OLFM1: variants seen among roughly 807,000 people sequenced by gnomAD.
OLFM1 encodes the protein noelin.
In OLFM1, 9 loss-of-function variants were observed where a neutral mutation model predicts 49.7. The ratio of observed to expected loss-of-function variants is 0.18; its 90% CI spans 0.11 to 0.32. The LOEUF is 0.32. Ranked by LOEUF, OLFM1 falls within the 10% of genes least tolerant of loss-of-function variation. The pLI is 1.00. For missense variants in OLFM1, 369 were observed against 661.8 expected (o/e 0.56, Z 4.85); for synonymous variants, 240 against 271.8 (o/e 0.88, Z 1.15).
intron 5 of OLFM1, among the ~76,000 whole-genome samples, chr9:135,118,589 C>T (rs986972186): frequency 6.7e-6 from 1 of 148,652 alleles, no homozygotes; most frequent in Admixed American, 6.7e-5. Flanking sequence ...GGAGTGCTTG[C>T]TGGGTCTTTG....
At position 135,080,233 on chromosome 9, in the gene OLFM1, C is replaced by G. The variant is rs2119085654; in HGVS notation, c.96+4431C>G. On this transcript the variant is annotated intron_variant, in intron 1 of 5. Coordinates refer to the OLFM1 transcript ENST00000252854. This position sits in a 1 kb window ranked among gnomAD's most constrained non-coding sequence, Gnocchi z 4.5. ...GCTTGGGCCAGGTGGTCTGGATGAGCTGTCTTGTCCCCCTGCCAGGCCCTC... is the reference window on the plus strand; with the variant it reads ...GCTTGGGCCAGGTGGTCTGGATGAGGTGTCTTGTCCCCCTGCCAGGCCCTC... Among the ~76,000 whole-genome samples the G allele has an allele frequency of 6.6e-6, 1 of 152,144 alleles. No homozygotes were observed. The highest frequency in any genetic ancestry group is 2.4e-5 in the African/African-American group (1 of 41,506).
chr9:135,097,864 G>A, intron 3 of OLFM1: 32 of 1,603,960 alleles, frequency 2.0e-5, no homozygotes, highest in Non-Finnish European at 2.5e-5. Context: ...GAGCCAGAGA[G>A]CTTTTTGCAC....
chr9:135,102,586 G>C (rs1315146290), intron 4 of OLFM1, among the ~76,000 whole-genome samples: 1 of 152,184 alleles, frequency 6.6e-6, no homozygotes, highest in Non-Finnish European at 1.5e-5. Context: ...GGTCTGCCGT[G>C]ACCCTTTCCT....
rs1354743276 is a variant in OLFM1, at chr9:135,117,024, C to T, written c.784-2480C>T. 6.6e-6 allele frequency among the ~76,000 whole-genome samples: 1 copy of T among 152,088 alleles called. No individual in the cohort carries two copies. Among genetic ancestry groups the T allele is most frequent in the East Asian group, 1.9e-4 (1 of 5,184 alleles). On this transcript the variant is annotated intron_variant, in intron 5 of 5. Transcript: ENST00000371793. This position sits in a 1 kb window ranked among gnomAD's most constrained non-coding sequence, Gnocchi z 5.5. ...TGAAAGCTCCCTCATCCTTAGTCTC[C>T]TGCAGCTCCAGAGCCCTCGACGGAT...
rs528436759 is a variant in OLFM1 at position 135,107,953 on chromosome 9, C to A, written c.783+1098C>A. ...AAAACATGGGCGGTACGGCCTCTGG[C>A]ACACTCCTTCCTTCCAGGAAGATGG... On this transcript the variant is annotated intron_variant, in intron 5 of 5. Coordinates refer to ENST00000371793, the MANE Select transcript of OLFM1 (RefSeq NM_001282611.2). Among the ~76,000 whole-genome samples the A allele has an allele frequency of 9.9e-4, 150 of 152,282 alleles. 1 individual carries two copies. The highest frequency in any genetic ancestry group is 3.4e-3 in the African/African-American group (140 of 41,558).
chr9:135,110,975 C>T lies in OLFM1; in HGVS notation c.783+4120C>T, dbSNP rs573805043. ...GGGGCTGCATCAGAGGCATTTGGGA[C>T]GGCAGTGCCAGATCTGTGCCCATCG... is the stretch of plus-strand genomic sequence containing the variant. On this transcript the variant is annotated intron_variant, in intron 5 of 5. Transcript: ENST00000371793. Among the ~76,000 whole-genome samples, 260 of 152,340 alleles carry T rather than the reference C, an allele frequency of 1.7e-3. 2 individuals are homozygous for T. The highest frequency in any genetic ancestry group is 3.0e-3 in the Non-Finnish European group (207 of 68,030).
In OLFM1 at chr9:135,098,624, A is replaced by T; in HGVS notation, c.676+119A>T. On this transcript the variant is annotated intron_variant, in intron 4 of 5. Coordinates refer to ENST00000371793, the MANE Select transcript of OLFM1 (RefSeq NM_001282611.2). The surrounding 1 kb of genome is among the most constrained non-coding windows in gnomAD (Gnocchi z 5.6). Reference sequence around the variant, plus strand: ...CCTGGCTTCGCGAGGTGATGGCTGGATTAGGGCTCCTGGGCAGGTCTACCT... The same window carrying T: ...CCTGGCTTCGCGAGGTGATGGCTGGTTTAGGGCTCCTGGGCAGGTCTACCT... The T allele has an allele frequency of 1.2e-6, 1 of 850,806 alleles. No homozygotes were observed. The highest frequency in any genetic ancestry group is 1.9e-6 in the Non-Finnish European group (1 of 537,372). The allele number at this position is 850,806 out of a possible 1,614,324, so 52.7% of individuals were successfully genotyped here. A position where few individuals can be genotyped will look rare whatever the true frequency, so the allele number is the denominator to read the frequency against.
chr9:135,091,735 A>ACACTCATAGT (rs1564270982), intron 2 of OLFM1, among the ~76,000 whole-genome samples: 3 of 89,990 alleles, frequency 3.3e-5, no homozygotes, highest in Non-Finnish European at 7.6e-5. Context: ...TCATAGTCAC[A>ACACTCATAGT]CACACCCACA....
At chr9:135,107,991 G>C (rs1728079731) in intron 5 of OLFM1, among the ~76,000 whole-genome samples, 1 of 152,202 alleles carries the variant, frequency 6.6e-6, no homozygotes. Context: ...GGGGAGGGGA[G>C]GGGGACTGGC....
chr9:135,089,639 T>G (rs1370619083), intron 1 of OLFM1, among the ~76,000 whole-genome samples: 1 of 152,202 alleles, frequency 6.6e-6, no homozygotes, highest in Non-Finnish European at 1.5e-5. Context: ...GGGAGGTTGC[T>G]GTAGCTCGGG....
chr9:135,076,770 C>T, intron 1 of OLFM1: 5 of 1,499,322 alleles, frequency 3.3e-6, no homozygotes, highest in Non-Finnish European at 3.6e-6. Flanking sequence ...CCCAGCTGCC[C>T]CTGACCCTTC....
At chr9:135,111,381 G>A (rs56394477) in intron 5 of OLFM1, among the ~76,000 whole-genome samples, 34,588 of 152,098 alleles carry the variant, frequency 0.23, 4,203 homozygotes, top group Non-Finnish European at 0.27. Flanking sequence ...GGCCTCGCTC[G>A]CCGTCTGGCC....
chr9:135,088,153 C>G lies in OLFM1; in HGVS notation c.150+14C>G. On this transcript the variant is annotated intron_variant, in intron 1 of 5. Coordinates refer to ENST00000371793, the MANE Select transcript of OLFM1 (RefSeq NM_001282611.2). This position sits in a 1 kb window ranked among gnomAD's most constrained non-coding sequence, Gnocchi z 4.8. ...CGCAGCACCGGCGTAAGTGCGCCCG[C>G]CGGCCGCCTTGGCGCGGCTCCTCCT... The G allele has an allele frequency of 7.5e-7, 1 of 1,325,040 alleles. No homozygotes were observed. 82.1% of individuals were successfully genotyped at this position (1,325,040 alleles called of 1,614,324 possible).
chr9:135,107,752 A>C (rs1480976180), intron 5 of OLFM1, among the ~76,000 whole-genome samples: 1 of 152,134 alleles, frequency 6.6e-6, no homozygotes, highest in African/African-American at 2.4e-5. Context: ...AAAAACAAAC[A>C]ACCCAGCTCT....
At chr9:135,105,447 C>G (rs929043480) in intron 4 of OLFM1, among the ~76,000 whole-genome samples, 1 of 152,146 alleles carries the variant, frequency 6.6e-6, no homozygotes, top group African/African-American at 2.4e-5. Flanking sequence ...GGGCCGGGAG[C>G]GTTCCTCTTT....
chr9:135,090,025 C>T (rs1005666759), intron 1 of OLFM1, among the ~76,000 whole-genome samples, 170 bp from the exon 2 acceptor site: 1 of 152,182 alleles, frequency 6.6e-6, no homozygotes, highest in African/African-American at 2.4e-5. Context: ...CCTCTTTGTT[C>T]CCAGGGACCC....
upstream of OLFM1, among the ~76,000 whole-genome samples, chr9:135,084,406 CTCTGTCTCTCT>C (rs1830570833): frequency 6.7e-6 from 1 of 150,206 alleles, no homozygotes; most frequent in Non-Finnish European, 1.5e-5. The surrounding 1 kb of genome is among the most constrained non-coding windows in gnomAD (Gnocchi z 4.6). Flanking sequence ...TATCTCTCCT[CTCTGTCTCTCT>C]TCTGTCTCTC....
At chr9:135,079,111 C>T (rs966670093) in intron 1 of OLFM1, among the ~76,000 whole-genome samples, 6 of 152,330 alleles carry the variant, frequency 3.9e-5, no homozygotes, top group South Asian at 4.1e-4. Flanking sequence ...AAACCCTTGC[C>T]GCTTGGCACC....
chr9:135,075,888 G>T, intron 1 of OLFM1: 1 of 1,446,206 alleles, frequency 6.9e-7, no homozygotes, highest in South Asian at 1.4e-5. Context: ...AACGGCTCTG[G>T]CTCCGCGCCG....
Sources: gnomAD v4.1 joint callset for allele counts (sites outside exome capture counted in the v4.1 genomes callset) on GRCh38, gnomAD v4.1.1 for gene constraint, Gnocchi (gnomAD v3.1) non-coding constraint, MANE v1.5 for transcripts, NCBI Gene and HGNC (gene_info 2026-07-23, HGNC 2026-07-21) for gene names.